STYX: variants seen among roughly 807,000 people sequenced by gnomAD.
STYX encodes serine/threonine/tyrosine-interacting protein.
A neutral mutation model predicts 42.7 loss-of-function variants in STYX; 20 were observed. The ratio of observed to expected loss-of-function variants is 0.47; its 90% CI spans 0.33 to 0.68. The LOEUF (loss-of-function observed/expected upper bound fraction) is 0.68, where lower values mean the gene tolerates loss of function less well. Among genes scored for constraint, STYX ranks in the 30% least tolerant of loss-of-function variants. The pLI, the probability that STYX is intolerant of heterozygous loss-of-function variation, is 0.02. For missense variants in STYX, 226 were observed against 268.5 expected, an observed-to-expected ratio of 0.84 and a Z score of 1.11; for synonymous variants, 78 against 81.9, an observed-to-expected ratio of 0.95 and a Z score of 0.26.
At chr14:52,755,437 T>C (rs1174639510) in intron 4 of STYX, among the ~76,000 whole-genome samples, 1 of 152,118 alleles carries the variant, frequency 6.6e-6, no homozygotes, top group African/African-American at 2.4e-5. Flanking sequence ...CTTCTCTGTA[T>C]TAAAGTCCTG....
chr14:52,736,053 C>G (rs1439064767), intron 1 of STYX, among the ~76,000 whole-genome samples: 1 of 152,196 alleles, frequency 6.6e-6, no homozygotes, highest in African/African-American at 2.4e-5. Context: ...GCTCCTTTCT[C>G]TGTAAGCCCT....
Position 52,757,905 on chromosome 14 carries a change from A to C in STYX, c.412A>C (p.Thr138Pro). The change falls in exon 8 of 11, where the codon ACA becomes CCA. Residue 138 changes from threonine (T) to proline (P), a missense_variant. By Grantham distance (38) the Thr-to-Pro change is conservative (BLOSUM62 -1). Transcript: ENST00000354586. The stretch of plus-strand genomic sequence containing the variant: ...CTTTGTTATTGCATACATTATGGAA[A>C]CATTTGGAATGAAGTACAGGTAAGA... Reference protein sequence around the residue: ...AAFVIAYIMETFGMKYRDAFA... With the variant: ...AAFVIAYIMEPFGMKYRDAFA... 2 of 1,612,136 alleles carry C rather than the reference A, an allele frequency of 1.2e-6. No individual in the cohort carries two copies. The highest frequency in any genetic ancestry group is 1.7e-6 in the Non-Finnish European group (2 of 1,179,810).
intron 1 of STYX, among the ~76,000 whole-genome samples, chr14:52,737,921 G>A (rs1024473384): frequency 7.9e-5 from 12 of 152,064 alleles, no homozygotes; most frequent in African/African-American, 2.4e-4. Context: ...GACTACAGGC[G>A]CCCGCCACCA....
intron 1 of STYX, among the ~76,000 whole-genome samples, chr14:52,738,223 G>C (rs1316830587): frequency 6.6e-6 from 1 of 152,140 alleles, no homozygotes; most frequent in Non-Finnish European, 1.5e-5. Flanking sequence ...GGTTTCAAAG[G>C]ATCCATACCT....
Sources: allele counts gnomAD v4.1 joint callset (sites outside exome capture counted in the v4.1 genomes callset), GRCh38; gene constraint gnomAD v4.1.1; transcripts MANE v1.5; gene names NCBI Gene and HGNC (gene_info 2026-07-23, HGNC 2026-07-21).